Variants in DLG2 observed in about 807,000 individuals in gnomAD.
DLG2 encodes the protein disks large homolog 2.
Under a neutral mutation model 132.5 loss-of-function variants are expected in DLG2, and 45 were observed. That is an observed-to-expected ratio of 0.34 (90% CI 0.27 to 0.44). The LOEUF is 0.44. DLG2 is among the 20% of genes least tolerant of loss of function. DLG2 has a pLI of 1.00. For missense variants in DLG2, 1,045 were observed against 1,196.9 expected (o/e 0.87, Z 1.87); for synonymous variants, 424 against 419.6 (o/e 1.01, Z -0.13).
chr11:85,554,223 T>A (rs1324525991), intron 3 of DLG2, among the ~76,000 whole-genome samples: 4 of 151,484 alleles, frequency 2.6e-5, no homozygotes, highest in South Asian at 4.2e-4. Context: ...ACAAAAAAAA[T>A]TGAGTATTTG....
At chr11:85,579,757 G>A (rs2078391797) in intron 3 of DLG2, among the ~76,000 whole-genome samples, 1 of 152,090 alleles carries the variant, frequency 6.6e-6, no homozygotes, top group East Asian at 1.9e-4. Context: ...TGCAGTCTCA[G>A]CTCACTGTAA....
chr11:83,949,513 C>A (rs1273733007), intron 14 of DLG2, among the ~76,000 whole-genome samples: 4 of 152,080 alleles, frequency 2.6e-5, no homozygotes, highest in Non-Finnish European at 5.9e-5. Context: ...TTTTTCAACA[C>A]TACCCTGCCA....
At chr11:83,670,841 T>G (rs1186389045) in intron 18 of DLG2, among the ~76,000 whole-genome samples, 1 of 152,168 alleles carries the variant, frequency 6.6e-6, no homozygotes, top group Non-Finnish European at 1.5e-5. Flanking sequence ...TTTCCAATAA[T>G]AGTATACTAC....
At chr11:85,543,397 T>C (rs1185165470) in intron 3 of DLG2, among the ~76,000 whole-genome samples, 2 of 152,222 alleles carry the variant, frequency 1.3e-5, no homozygotes, top group Non-Finnish European at 2.9e-5. Context: ...TGATGGACAT[T>C]TGGGTGGGTT....
In DLG2 at chr11:85,571,349, C is replaced by T. The variant is rs1278095326; in HGVS notation, c.40+27308G>A. Reference sequence around the variant, plus strand: ...TTGTAAAGTTTTTTGTATTCTTTGTCATGTGTGGCCTCTGAAGTTTCTTTT... The same window carrying T: ...TTGTAAAGTTTTTTGTATTCTTTGTTATGTGTGGCCTCTGAAGTTTCTTTT... On this transcript the variant is annotated intron_variant, in intron 3 of 27. Transcript: ENST00000376104. Among the ~76,000 whole-genome samples, 18 of 152,078 alleles carry T rather than the reference C, an allele frequency of 1.2e-4. 1 individual carries two copies. Among genetic ancestry groups the T allele is most frequent in the Non-Finnish European group, 2.4e-4 (16 of 68,008 alleles).
intron 6 of DLG2, among the ~76,000 whole-genome samples, chr11:84,721,124 C>T (rs1260584793): frequency 6.6e-6 from 1 of 152,106 alleles, no homozygotes; most frequent in Non-Finnish European, 1.5e-5. Context: ...GGGTAGAAGA[C>T]CTCCGAGGCC....
intron 3 of DLG2, among the ~76,000 whole-genome samples, chr11:85,594,729 G>A (rs2079608981): frequency 6.6e-6 from 1 of 152,052 alleles, no homozygotes; most frequent in Admixed American, 6.6e-5. Context: ...TAATATAGTT[G>A]TTTAAAAATT....
At chr11:85,022,512 A>C (rs1338779096) in intron 6 of DLG2, among the ~76,000 whole-genome samples, 1 of 152,124 alleles carries the variant, frequency 6.6e-6, no homozygotes, top group African/African-American at 2.4e-5. Flanking sequence ...AAACATAAGG[A>C]GGATACTATG....
At chr11:84,430,461 A>AAG (rs2098981062) in intron 7 of DLG2, among the ~76,000 whole-genome samples, 1 of 151,622 alleles carries the variant, frequency 6.6e-6, no homozygotes, top group African/African-American at 2.4e-5. Flanking sequence ...AAAAGAAAAA[A>AAG]AAAAGAGAAG....
chr11:84,543,657 CA>C (rs2099383819), intron 6 of DLG2, among the ~76,000 whole-genome samples: 1 of 152,038 alleles, frequency 6.6e-6, no homozygotes, highest in Admixed American at 6.6e-5. Flanking sequence ...GATCTATCTT[CA>C]AAATAATCAC....
In DLG2 at chr11:84,255,354, C is replaced by T. The variant is rs80012323; in HGVS notation, c.520-4063G>A. ...TATTATTATTTTTGAGATGGGGTCT[C>T]GCTCTATCACCCAGGCTGGAGTACA... is the stretch of plus-strand genomic sequence containing the variant. On this transcript the variant is annotated intron_variant, in intron 7 of 27. Transcript: ENST00000376104. Among the ~76,000 whole-genome samples, 1,041 of 152,204 alleles carry T rather than the reference C, an allele frequency of 6.8e-3. 16 individuals carry two copies. The highest frequency in any genetic ancestry group is 0.023 in the African/African-American group (949 of 41,528).
intron 6 of DLG2, among the ~76,000 whole-genome samples, chr11:84,943,235 G>A (rs1373435136): frequency 6.6e-6 from 1 of 151,226 alleles, no homozygotes; most frequent in African/African-American, 2.4e-5. Flanking sequence ...TTTAATTGAA[G>A]AGTTTTGTCC....
rs542732707 is a variant in DLG2, at chr11:84,828,080, CGTTTGTAAAATTGAAT to C, written c.357+283565_357+283580del. ...ACAACTTTTGACATGGCGGTGGAAACGTTTGTAAAATTGAATGTCCAATAGCCATGCCAAGATGGAA... is the reference window on the plus strand; with the variant it reads ...ACAACTTTTGACATGGCGGTGGAAACGTCCAATAGCCATGCCAAGATGGAA... On this transcript the variant is annotated intron_variant, in intron 6 of 27. Coordinates refer to ENST00000376104, the MANE Select transcript of DLG2 (RefSeq NM_001142699.3). Among the ~76,000 whole-genome samples, 283 of 151,706 alleles carry C rather than the reference CGTTTGTAAAATTGAAT, an allele frequency of 1.9e-3. 1 individual carries two copies. The highest frequency in any genetic ancestry group is 6.8e-3 in the Middle Eastern group (2 of 294).
chr11:85,426,506 C>T (rs1327551899), intron 3 of DLG2, among the ~76,000 whole-genome samples: 1 of 152,198 alleles, frequency 6.6e-6, no homozygotes, highest in African/African-American at 2.4e-5. Context: ...TGCTGATACT[C>T]AGGCAAACAG....
chr11:84,027,488 A>G (rs1265042508), intron 11 of DLG2, among the ~76,000 whole-genome samples: 1 of 152,106 alleles, frequency 6.6e-6, no homozygotes, highest in Admixed American at 6.6e-5. Flanking sequence ...ACAAATTTAA[A>G]AAAAAATTCT....
intron 6 of DLG2, among the ~76,000 whole-genome samples, chr11:84,815,414 A>G (rs1051386824): frequency 3.3e-5 from 5 of 152,046 alleles, no homozygotes; most frequent in African/African-American, 1.2e-4. Context: ...TTACATAATT[A>G]CATGAAACGT....
chr11:84,984,320 C>G (rs1014817998), intron 6 of DLG2, among the ~76,000 whole-genome samples: 5 of 152,166 alleles, frequency 3.3e-5, no homozygotes, highest in African/African-American at 1.2e-4. Context: ...GATTGGGACT[C>G]TATATTCAGC....
chr11:83,974,497 T>G (rs71465574), intron 12 of DLG2, among the ~76,000 whole-genome samples: 6,472 of 152,108 alleles, frequency 0.043, 199 homozygotes, highest in Non-Finnish European at 0.067. Context: ...GAAGGCTCCA[T>G]GATAAAACAG....
At chr11:85,102,235 C>T (rs192684620) in intron 6 of DLG2, among the ~76,000 whole-genome samples, 12 of 152,142 alleles carry the variant, frequency 7.9e-5, no homozygotes, top group South Asian at 6.2e-4. Context: ...GGCTCCCCTA[C>T]GTGCTGATGA....
Sources: gnomAD v4.1 joint callset for allele counts (sites outside exome capture counted in the v4.1 genomes callset) on GRCh38, gnomAD v4.1.1 for gene constraint, MANE v1.5 for transcripts, NCBI Gene and HGNC (gene_info 2026-07-23, HGNC 2026-07-21) for gene names.